Variants in PHACTR3 observed in about 807,000 individuals in gnomAD.
PHACTR3 encodes protein phosphatase 1, regulatory subunit 123.
PHACTR3 carries 16 observed loss-of-function variants against 66.8 expected under a neutral mutation model. The observed-to-expected ratio is 0.24, with a 90% CI of 0.16 to 0.36. PHACTR3 has a LOEUF of 0.36. Among genes scored for constraint, PHACTR3 ranks in the 10% least tolerant of loss-of-function variants. PHACTR3 has a pLI of 1.00. For synonymous variants in PHACTR3, 323 were observed against 292.1 expected, an observed-to-expected ratio of 1.11 and a Z score of -1.08; for missense variants, 647 against 719.9, an observed-to-expected ratio of 0.90 and a Z score of 1.16.
chr20:59,836,615 G>C, intron 9 of PHACTR3, 55 bp downstream of exon 9: 1 of 1,562,700 alleles, frequency 6.4e-7, no homozygotes, highest in Non-Finnish European at 8.7e-7. Flanking sequence ...TGAGGCTGTT[G>C]CACAAATCCT....
chr20:59,757,669 G>A (rs1340956156), intron 4 of PHACTR3, among the ~76,000 whole-genome samples: 1 of 152,202 alleles, frequency 6.6e-6, no homozygotes, highest in Non-Finnish European at 1.5e-5. Flanking sequence ...AAACAATCCA[G>A]GGCCCGGTGA....
intron 8 of PHACTR3, among the ~76,000 whole-genome samples, chr20:59,808,015 T>A (rs1282141827): frequency 6.6e-6 from 1 of 152,152 alleles, no homozygotes; most frequent in East Asian, 1.9e-4. Flanking sequence ...TTGGACTGTC[T>A]CATGGGGCAG....
At chr20:59,729,861 G>A (rs1188042007) in intron 1 of PHACTR3, among the ~76,000 whole-genome samples, 2 of 152,200 alleles carry the variant, frequency 1.3e-5, no homozygotes, top group Non-Finnish European at 2.9e-5. Context: ...GATGTCCTTG[G>A]CTCTTGGGTG....
At chr20:59,746,298 C>A (rs1199631677) in intron 2 of PHACTR3, among the ~76,000 whole-genome samples, 1 of 152,208 alleles carries the variant, frequency 6.6e-6, no homozygotes, top group Non-Finnish European at 1.5e-5. Flanking sequence ...AGTCCCCCGC[C>A]CCAGGCCTGA....
chr20:59,610,586 G>A (rs377072836), intron 1 of PHACTR3, among the ~76,000 whole-genome samples: 22 of 152,368 alleles, frequency 1.4e-4, no homozygotes, highest in African/African-American at 4.6e-4. Context: ...AATAAATTAA[G>A]ATTCTGTTTC....
rs552749256 is a variant in PHACTR3, at chr20:59,792,735, C to T, written c.1175-13306C>T. Among the ~76,000 whole-genome samples, 5 of 152,184 alleles carry T rather than the reference C, an allele frequency of 3.3e-5. No homozygotes were observed. In the South Asian group the frequency reaches 1.0e-3, roughly 32 times the overall value. On this transcript the variant is annotated intron_variant, in intron 7 of 12. Transcript: ENST00000371015. ...TTGGGAAAATATCTATTAAAATCTT[C>T]CCATTTTTCAAAATTAGGTCAATTG...
intron 1 of PHACTR3, among the ~76,000 whole-genome samples, chr20:59,708,005 C>A (rs1441419198): frequency 2.6e-5 from 4 of 152,198 alleles, no homozygotes; most frequent in Admixed American, 2.6e-4. Context: ...CCTAACAGTT[C>A]CAGAAAAAGT....
chr20:59,730,623 A>C (rs2038729309), intron 1 of PHACTR3, among the ~76,000 whole-genome samples: 1 of 152,188 alleles, frequency 6.6e-6, no homozygotes, highest in Non-Finnish European at 1.5e-5. Flanking sequence ...ATAAGAGATC[A>C]GGATCCAAAA....
rs774695724 is a variant in PHACTR3 at position 59,830,004 on chromosome 20, C to G, written c.1329-6501C>G. ...CACTTCCTGAAATTACCTGCAGCCC[C>G]TGCTGCTGTGCTCATCATGCAGGAA... On this transcript the variant is annotated intron_variant, in intron 8 of 12. Coordinates refer to ENST00000371015, the MANE Select transcript of PHACTR3 (RefSeq NM_080672.5). This position sits in a 1 kb window ranked among gnomAD's most constrained non-coding sequence, Gnocchi z 5.8. Among the ~76,000 whole-genome samples the G allele has an allele frequency of 6.6e-6, 1 of 151,602 alleles. No individual in the cohort carries two copies. The highest frequency in any genetic ancestry group is 6.5e-5 in the Admixed American group (1 of 15,274).
rs370145683 is a variant in PHACTR3 at position 59,814,866 on chromosome 20, C to T, written c.1328+8672C>T. Among the ~76,000 whole-genome samples the T allele has an allele frequency of 2.8e-4, 43 of 152,128 alleles. No individual in the cohort carries two copies. The East Asian group carries it at 4.6e-3, about 16-fold the overall frequency. The stretch of plus-strand genomic sequence containing the variant: ...CTTGTTCTGAAGCCTGTGGGGCCTC[C>T]GCGGTTGGGCCTTGCTGAATAATTT... On this transcript the variant is annotated intron_variant, in intron 8 of 12. Transcript: ENST00000371015.
intron 7 of PHACTR3, among the ~76,000 whole-genome samples, chr20:59,792,071 G>C (rs928729878): frequency 3.3e-5 from 5 of 152,092 alleles, no homozygotes; most frequent in Non-Finnish European, 7.4e-5. Flanking sequence ...GGATTCTGAC[G>C]ACTAGTCTTA....
At chr20:59,675,199 C>G (rs2036414920) in intron 1 of PHACTR3, among the ~76,000 whole-genome samples, 1 of 147,744 alleles carries the variant, frequency 6.8e-6, no homozygotes, top group Non-Finnish European at 1.5e-5. Context: ...CTCTCCCTCC[C>G]TGTCCTTCTC....
At chr20:59,780,722 T>C (rs2040695496) in intron 7 of PHACTR3, among the ~76,000 whole-genome samples, 1 of 152,212 alleles carries the variant, frequency 6.6e-6, no homozygotes, top group Non-Finnish European at 1.5e-5. Flanking sequence ...GGGCTTACTC[T>C]GCGTAGAGAG....
intron 1 of PHACTR3, among the ~76,000 whole-genome samples, chr20:59,640,256 T>C (rs956408522): frequency 2.0e-5 from 3 of 152,194 alleles, no homozygotes; most frequent in Non-Finnish European, 4.4e-5. Flanking sequence ...ACATGTCAAC[T>C]CTCCCTGCTT....
chr20:59,777,599 C>A (rs1196281233), intron 7 of PHACTR3, among the ~76,000 whole-genome samples: 1 of 152,220 alleles, frequency 6.6e-6, no homozygotes, highest in Non-Finnish European at 1.5e-5. Flanking sequence ...TATGACAACA[C>A]TGAACCTTCC....
intron 1 of PHACTR3, among the ~76,000 whole-genome samples, chr20:59,598,518 G>A (rs950723915): frequency 6.6e-6 from 1 of 152,172 alleles, no homozygotes; most frequent in Admixed American, 6.5e-5. Context: ...TCTCCAGGAA[G>A]CCATGGGATG....
At chr20:59,671,390 G>A (rs1027013100) in intron 1 of PHACTR3, among the ~76,000 whole-genome samples, 2 of 152,220 alleles carry the variant, frequency 1.3e-5, no homozygotes, top group Non-Finnish European at 2.9e-5. Context: ...TGGCTTGGAA[G>A]CCACAGAATT....
chr20:59,821,586 A>G (rs1287739633), intron 8 of PHACTR3, among the ~76,000 whole-genome samples: 1 of 152,200 alleles, frequency 6.6e-6, no homozygotes, highest in Non-Finnish European at 1.5e-5. Flanking sequence ...ATTCAGGCAT[A>G]AGAAGGGGAG....
intron 1 of PHACTR3, among the ~76,000 whole-genome samples, chr20:59,690,794 A>C (rs76908621): frequency 0.011 from 1,646 of 152,212 alleles, 29 homozygotes; most frequent in African/African-American, 0.037. Flanking sequence ...TCTGGTGCTT[A>C]TGCTACTAAT....
Sources: gnomAD v4.1 joint callset for allele counts (sites outside exome capture counted in the v4.1 genomes callset) on GRCh38, gnomAD v4.1.1 for gene constraint, Gnocchi (gnomAD v3.1) non-coding constraint, MANE v1.5 for transcripts, NCBI Gene and HGNC (gene_info 2026-07-23, HGNC 2026-07-21) for gene names.